PRKN: variants seen among roughly 807,000 people sequenced by gnomAD.
PRKN encodes the protein E3 ubiquitin-protein ligase parkin.
PRKN carries 56 observed loss-of-function variants against 59.5 expected under a neutral mutation model. The observed-to-expected ratio is 0.94, with a 90% CI of 0.76 to 1.18. The LOEUF is 1.18. Among genes scored for constraint, PRKN ranks in the 50% most tolerant of loss-of-function variants. The pLI, the probability that PRKN is intolerant of heterozygous loss-of-function variation, is 0.00. For missense variants in PRKN, 657 were observed against 596.4 expected (o/e 1.10, Z -1.06); for synonymous variants, 250 against 222.1 (o/e 1.13, Z -1.12).
At chr6:162,240,627 A>C (rs891196637) in intron 3 of PRKN, among the ~76,000 whole-genome samples, 5 of 152,210 alleles carry the variant, frequency 3.3e-5, no homozygotes, top group African/African-American at 7.2e-5. Context: ...TGTACATTGA[A>C]AAATCATACT....
At chr6:162,161,916 T>C (rs1583130143) in intron 4 of PRKN, among the ~76,000 whole-genome samples, 1 of 152,308 alleles carries the variant, frequency 6.6e-6, no homozygotes, top group Non-Finnish European at 1.5e-5. Context: ...CCGTGCCTAA[T>C]TCATAAATTA....
intron 9 of PRKN, among the ~76,000 whole-genome samples, chr6:161,479,904 C>T (rs1018168903): frequency 2.0e-5 from 3 of 152,144 alleles, no homozygotes; most frequent in Non-Finnish European, 4.4e-5. Flanking sequence ...TGAAGTTAGA[C>T]CAGGCCACAC....
intron 4 of PRKN, among the ~76,000 whole-genome samples, chr6:162,088,752 C>A (rs1287586111): frequency 6.6e-6 from 1 of 152,102 alleles, no homozygotes; most frequent in African/African-American, 2.4e-5. Context: ...AAGAAAAGTC[C>A]AGGTCCAGGG....
intron 2 of PRKN, among the ~76,000 whole-genome samples, chr6:162,339,280 G>A (rs1235596656): frequency 3.1e-4 from 46 of 146,652 alleles, no homozygotes; most frequent in African/African-American, 6.8e-4. Flanking sequence ...CGCCCCGTCC[G>A]GGAGGGAGGT....
intron 9 of PRKN, among the ~76,000 whole-genome samples, chr6:161,452,322 C>T (rs1789776271): frequency 6.6e-6 from 1 of 152,178 alleles, no homozygotes; most frequent in Non-Finnish European, 1.5e-5. Flanking sequence ...ACTTAAATAA[C>T]TTATAAATAA....
intron 4 of PRKN, among the ~76,000 whole-genome samples, chr6:162,116,339 G>A (rs1027435639): frequency 6.6e-6 from 1 of 152,148 alleles, no homozygotes; most frequent in Admixed American, 6.5e-5. Flanking sequence ...TCCTACTTGA[G>A]TGTCCCACTG....
rs1786926741 is a variant in PRKN, at chr6:161,399,510, C to A, written c.1084-12633G>T. On this transcript the variant is annotated intron_variant, in intron 9 of 11. Coordinates refer to ENST00000366898, the MANE Select transcript of PRKN (RefSeq NM_004562.3). The surrounding 1 kb of genome is among the most constrained non-coding windows in gnomAD (Gnocchi z 4.4). The stretch of plus-strand genomic sequence containing the variant: ...GTGCTCGTCCTGGCTCCTGCACCTG[C>A]TCATCTGCATGCTCCCCCTCCCATA... Among the ~76,000 whole-genome samples, 1 of 152,206 alleles carries A rather than the reference C, an allele frequency of 6.6e-6. No homozygotes were observed. The highest frequency in any genetic ancestry group is 1.5e-5 in the Non-Finnish European group (1 of 68,030).
At chr6:161,365,118 A>C (rs1366128625) in intron 10 of PRKN, among the ~76,000 whole-genome samples, 1 of 152,178 alleles carries the variant, frequency 6.6e-6, no homozygotes, top group Non-Finnish European at 1.5e-5. Flanking sequence ...AAACAAGGAA[A>C]AATACAGTGG....
intron 6 of PRKN, among the ~76,000 whole-genome samples, chr6:161,828,861 T>G (rs549738745): frequency 6.7e-6 from 1 of 149,608 alleles, no homozygotes; most frequent in East Asian, 2.0e-4. Context: ...ACCTGGGAGA[T>G]GGAGGTTGCA....
chr6:162,574,346 A>T (rs1583833654), intron 1 of PRKN, among the ~76,000 whole-genome samples: 1 of 151,728 alleles, frequency 6.6e-6, no homozygotes, highest in Non-Finnish European at 1.5e-5. Context: ...CTTCAAGGTT[A>T]CATCTTGAAA....
chr6:162,235,820 A>AAGAG (rs1189541710), intron 3 of PRKN, among the ~76,000 whole-genome samples: 1 of 150,188 alleles, frequency 6.7e-6, no homozygotes, highest in Non-Finnish European at 1.5e-5. Flanking sequence ...GAAAGAAAGA[A>AAGAG]AGAGAGAGAG....
In PRKN at chr6:161,499,132, A is replaced by AT. The variant is rs1554267942; in HGVS notation, c.1083+49721dup. Among the ~76,000 whole-genome samples the AT allele has an allele frequency of 3.7e-3, 504 of 136,554 alleles. 2 individuals carry two copies. The highest frequency in any genetic ancestry group is 9.8e-3 in the Admixed American group (133 of 13,608). 89.6% of individuals were successfully genotyped at this position (136,554 alleles called of 152,430 possible). On this transcript the variant is annotated intron_variant, in intron 9 of 11. Transcript: ENST00000366898. This position sits in a 1 kb window ranked among gnomAD's most constrained non-coding sequence, Gnocchi z 4.2. The stretch of plus-strand genomic sequence containing the variant: ...AGGGTCTGGACACACACACACACAC[A>AT]TTTTTTTTTTTTTTTTGGCTCACAG...
In PRKN at chr6:161,354,208, C is replaced by T. The variant is rs1784669296; in HGVS notation, c.1286-3997G>A. 2.0e-5 allele frequency among the ~76,000 whole-genome samples: 3 copies of T among 152,126 alleles called. No individual in the cohort carries two copies. Among genetic ancestry groups the T allele is most frequent in the African/African-American group, 4.8e-5 (2 of 41,422 alleles). ...ACAAGGCCATAGAGCTAGACCCAGGCCATGGAGGAGCATGGAGGACCGCAA... is the reference window on the plus strand; with the variant it reads ...ACAAGGCCATAGAGCTAGACCCAGGTCATGGAGGAGCATGGAGGACCGCAA... On this transcript the variant is annotated intron_variant, in intron 11 of 11. Coordinates refer to ENST00000366898, the MANE Select transcript of PRKN (RefSeq NM_004562.3). This position sits in a 1 kb window ranked among gnomAD's most constrained non-coding sequence, Gnocchi z 6.7.
intron 1 of PRKN, among the ~76,000 whole-genome samples, chr6:162,720,537 G>C (rs2849548): frequency 6.7e-6 from 1 of 148,714 alleles, no homozygotes; most frequent in African/African-American, 2.5e-5. Flanking sequence ...TGCAAGCTCC[G>C]CTTCCCGGGT....
intron 7 of PRKN, among the ~76,000 whole-genome samples, chr6:161,621,165 C>A (rs1156548311): frequency 6.6e-6 from 1 of 152,060 alleles, no homozygotes; most frequent in Non-Finnish European, 1.5e-5. Context: ...AGTCAGGCTT[C>A]TCCAGAGAGA....
intron 4 of PRKN, among the ~76,000 whole-genome samples, chr6:162,176,803 C>A (rs141754932): frequency 6.6e-6 from 1 of 152,116 alleles, no homozygotes; most frequent in African/African-American, 2.4e-5. Context: ...ACGGCTTACA[C>A]TGTGATTTGA....
rs941468972 is a variant in PRKN at position 161,417,903 on chromosome 6, C to G, written c.1084-31026G>C. ...TCCTACTTTCCACTCCAAACCTAGA[C>G]GCAGACTCAGTGGCCCACCCAGGGG... On this transcript the variant is annotated intron_variant, in intron 9 of 11. Transcript: ENST00000366898. This position sits in a 1 kb window ranked among gnomAD's most constrained non-coding sequence, Gnocchi z 5.4. 3.3e-5 allele frequency among the ~76,000 whole-genome samples: 5 copies of G among 152,188 alleles called. No individual in the cohort carries two copies. In the East Asian group the frequency reaches 9.6e-4, roughly 29 times the overall value.
intron 6 of PRKN, among the ~76,000 whole-genome samples, chr6:161,909,913 A>G (rs186428170): frequency 2.8e-4 from 43 of 152,322 alleles, no homozygotes; most frequent in African/African-American, 1.0e-3. Flanking sequence ...AATAGTCTAG[A>G]TGTCATTAAG....
chr6:162,112,700 G>C (rs9365372), intron 4 of PRKN, among the ~76,000 whole-genome samples: 40,653 of 151,676 alleles, frequency 0.27, 5,555 homozygotes, highest in African/African-American at 0.32. Flanking sequence ...AGGATCACTT[G>C]AGCTAAGACA....
Sources: allele counts gnomAD v4.1 joint callset (sites outside exome capture counted in the v4.1 genomes callset), GRCh38; gene constraint gnomAD v4.1.1; non-coding constraint Gnocchi (gnomAD v3.1); transcripts MANE v1.5; gene names NCBI Gene and HGNC (gene_info 2026-07-23, HGNC 2026-07-21).